ZMYND15: variants seen among roughly 807,000 people sequenced by gnomAD.
The protein encoded by ZMYND15 is zinc finger MYND-type containing 15.
Under a neutral mutation model 81.7 loss-of-function variants are expected in ZMYND15, and 54 were observed. The ratio of observed to expected loss-of-function variants is 0.66; its 90% CI spans 0.53 to 0.83. ZMYND15 has a LOEUF of 0.83. Ranked by LOEUF, ZMYND15 falls within the 40% of genes least tolerant of loss-of-function variation. ZMYND15 has a pLI of 0.00. For synonymous variants in ZMYND15, 399 were observed against 387.0 expected (o/e 1.03, Z -0.36); for missense variants, 925 against 973.5 (o/e 0.95, Z 0.66).
In ZMYND15 at chr17:4,739,995, A is replaced by AC. The variant is rs912550961; in HGVS notation, c.-83dup. The AC allele has an allele frequency of 5.9e-5, 58 of 984,984 alleles. No individual in the cohort carries two copies. The highest frequency in any genetic ancestry group is 6.9e-5 in the Non-Finnish European group (57 of 829,872). The allele number at this position is 984,984 out of a possible 1,614,324, so 61.0% of individuals were successfully genotyped here. ...CGGGCAGCCCTGACGTCACAACCGC[A>AC]CCCGCGCACCCTCCACCGCGAGGTA... On this transcript the variant is annotated 5_prime_UTR_variant, in exon 1 of 14. It introduces an in-frame stop codon into an upstream open reading frame of the 5' UTR. Transcript: ENST00000433935. This position sits in a 1 kb window ranked among gnomAD's most constrained non-coding sequence, Gnocchi z 5.3.
At chr17:4,740,482 C>G in intron 1 of ZMYND15, 37 bp from the exon 2 acceptor site, 1 of 1,502,998 alleles carries the variant, frequency 6.7e-7, no homozygotes, top group Non-Finnish European at 8.9e-7. Context: ...CATCATTGCT[C>G]TCCTGTCCCT....
In ZMYND15 at chr17:4,744,836, T is replaced by A; in HGVS notation, c.1838-34T>A. 1 of 1,614,128 alleles carries A rather than the reference T, an allele frequency of 6.2e-7. No individual in the cohort carries two copies. Among genetic ancestry groups the A allele is most frequent in the Non-Finnish European group, 8.5e-7 (1 of 1,180,000 alleles). Reference sequence around the variant, plus strand: ...GGGAAGGTGGGAGAGAAGCCCACCGTGGGAGCCAGCTTCTCCCTCCTCTCT... The same window carrying A: ...GGGAAGGTGGGAGAGAAGCCCACCGAGGGAGCCAGCTTCTCCCTCCTCTCT... On this transcript the variant is annotated intron_variant, in intron 11 of 13. Transcript: ENST00000433935. This position sits in a 1 kb window ranked among gnomAD's most constrained non-coding sequence, Gnocchi z 4.1.
chr17:4,740,184 C>A, intron 1 of ZMYND15, 134 bp downstream of exon 1: 1 of 681,948 alleles, frequency 1.5e-6, no homozygotes, highest in Non-Finnish European at 1.8e-6. Context: ...CCCTCCCCAC[C>A]AAACCGTTCC....
chr17:4,745,752 C>CCCCTGGGAGCCCCGAT lies in ZMYND15; in HGVS notation c.2058-57_2058-56insCCCGATCCCTGGGAGC. 1.5e-6 allele frequency: 2 copies of CCCCTGGGAGCCCCGAT among 1,371,518 alleles called. No individual in the cohort carries two copies. The highest frequency in any genetic ancestry group is 2.0e-6 in the Non-Finnish European group (2 of 1,011,692). The allele number at this position is 1,371,518 out of a possible 1,614,324, so 85.0% of individuals were successfully genotyped here. A position where few individuals can be genotyped will look rare whatever the true frequency, so the allele number is the denominator to read the frequency against. ...CTGACCGCGCCCCTGGGAGCCCCGA[C>CCCCTGGGAGCCCCGAT]CCCTGGGAGCGCCGACCCCTGGGAG... On this transcript the variant is annotated intron_variant, in intron 13 of 13. Transcript: ENST00000433935. This position sits in a 1 kb window ranked among gnomAD's most constrained non-coding sequence, Gnocchi z 5.2.
rs901532224 is a variant in ZMYND15 at position 4,745,668 on chromosome 17, G to A, written c.2058-151G>A. 5.6e-5 allele frequency: 34 copies of A among 606,386 alleles called. No homozygotes were observed. The highest frequency in any genetic ancestry group is 1.0e-4 in the Admixed American group (3 of 29,102). The allele number at this position is 606,386 out of a possible 1,614,324, so 37.6% of individuals were successfully genotyped here. On this transcript the variant is annotated intron_variant, in intron 13 of 13. Coordinates refer to ENST00000433935, the MANE Select transcript of ZMYND15 (RefSeq NM_001136046.3). This position sits in a 1 kb window ranked among gnomAD's most constrained non-coding sequence, Gnocchi z 5.2. ...GTCTAGCCCCACGCCCTGGAACTCA[G>A]AGGGGCAAGCCCCGCCCCCTGGTCC...
rs769970935 is a variant in ZMYND15, at chr17:4,744,839, G to A, written c.1838-31G>A. The A allele has an allele frequency of 6.2e-7, 1 of 1,614,124 alleles. No homozygotes were observed. On this transcript the variant is annotated intron_variant, in intron 11 of 13. Coordinates refer to ENST00000433935, the MANE Select transcript of ZMYND15 (RefSeq NM_001136046.3). The surrounding 1 kb of genome is among the most constrained non-coding windows in gnomAD (Gnocchi z 4.1). ...AAGGTGGGAGAGAAGCCCACCGTGGGAGCCAGCTTCTCCCTCCTCTCTGTC... is the reference window on the plus strand; with the variant it reads ...AAGGTGGGAGAGAAGCCCACCGTGGAAGCCAGCTTCTCCCTCCTCTCTGTC...
At chr17:4,741,378 G>A (rs570396312) in intron 2 of ZMYND15, among the ~76,000 whole-genome samples, 9 of 152,202 alleles carry the variant, frequency 5.9e-5, no homozygotes, top group East Asian at 3.9e-4. Context: ...TCTGACAGTG[G>A]GCCTACATTT....
Position 4,741,905 on chromosome 17 carries a change from C to A in ZMYND15, c.828-10C>A, listed in dbSNP as rs748628885. Reference sequence around the variant, plus strand: ...CAGCCTGATGCCATCTCCCCCCCAACTGCATTTAGAGAGCTGGAGAGCTTG... The same window carrying A: ...CAGCCTGATGCCATCTCCCCCCCAAATGCATTTAGAGAGCTGGAGAGCTTG... On this transcript the variant is annotated splice_polypyrimidine_tract_variant and intron_variant, in intron 3 of 13. Coordinates refer to ENST00000433935, the MANE Select transcript of ZMYND15 (RefSeq NM_001136046.3). 15 of 1,612,486 alleles carry A rather than the reference C, an allele frequency of 9.3e-6. No individual in the cohort carries two copies. In the South Asian group the frequency reaches 1.6e-4, roughly 18 times the overall value.
In ZMYND15 at chr17:4,741,607, T is replaced by C. The variant is rs751824625; in HGVS notation, c.618T>C (p.Cys206=). 19 of 1,614,088 alleles carry C rather than the reference T, an allele frequency of 1.2e-5. No homozygotes were observed. In the Admixed American group the frequency reaches 3.2e-4, roughly 27 times the overall value. The change falls in exon 3 of 14, where the codon TGT becomes TGC. Residue 206 remains cysteine, a synonymous_variant. Transcript: ENST00000433935. ...AGGCTGCCCCCCTGCACGTTTCCTG[T>C]CTCTTACTTGTGACGGATGAGCATG... ...RSEAAPLHVS[C]LLLVTDEHGT...
chr17:4,741,212 C>T (rs1916396084), intron 2 of ZMYND15, 72 bp downstream of exon 2: 2 of 1,379,790 alleles, frequency 1.4e-6, no homozygotes, highest in Non-Finnish European at 1.9e-6. Flanking sequence ...TCCCCTGCCA[C>T]TAGTTCTGAG....
In ZMYND15 at chr17:4,745,749, C is replaced by CGCCCCCTGG. The variant is rs1567700447; in HGVS notation, c.2058-69_2058-68insCCCCCTGGG. ...TCCCTGACCGCGCCCCTGGGAGCCC[C>CGCCCCCTGG]GACCCCTGGGAGCGCCGACCCCTGG... On this transcript the variant is annotated intron_variant, in intron 13 of 13. Coordinates refer to ENST00000433935, the MANE Select transcript of ZMYND15 (RefSeq NM_001136046.3). This position sits in a 1 kb window ranked among gnomAD's most constrained non-coding sequence, Gnocchi z 5.2. 4.4e-6 allele frequency: 6 copies of CGCCCCCTGG among 1,348,598 alleles called. No individual in the cohort carries two copies. In the African/African-American group the frequency reaches 9.1e-5, roughly 20 times the overall value. The allele number at this position is 1,348,598 out of a possible 1,614,324, so 83.5% of individuals were successfully genotyped here.
Position 4,741,999 on chromosome 17 carries a change from C to T in ZMYND15, c.912C>T (p.Thr304=), listed in dbSNP as rs776329876. The T allele has an allele frequency of 1.2e-6, 2 of 1,614,188 alleles. No homozygotes were observed. The highest frequency in any genetic ancestry group is 1.1e-5 in the South Asian group (1 of 91,080). The change falls in exon 4 of 14, where the codon ACC becomes ACT. Residue 304 remains threonine (T), a synonymous_variant. Transcript: ENST00000433935. ...MRTWGPRPGF[T]FASLRARTCH... is the part of the protein sequence containing the mutation. ...CATGGGGTCCCCGGCCAGGCTTCAC[C>T]TTTGCTTCCCTTCGTGCTCGAACCT... is the stretch of plus-strand genomic sequence containing the variant.
Position 4,740,914 on chromosome 17 carries a change from T to C in ZMYND15, c.366T>C (p.Asp122=). The change falls in exon 2 of 14, where the codon GAT becomes GAC. Residue 122 remains aspartate, a synonymous_variant. Transcript: ENST00000433935. ...AAGGGGAGGAGGAAGAGGAGGAAGA[T>C]GAAGAAGAAGAGAAGAGAGAGGACG... The part of the protein sequence containing the change: ...GEEGEEEEEE[D]EEEEKREDGG... 6.3e-7 allele frequency: 1 copy of C among 1,580,456 alleles called. No individual in the cohort carries two copies. The highest frequency in any genetic ancestry group is 8.6e-7 in the Non-Finnish European group (1 of 1,160,646).
chr17:4,744,035 T>C lies in ZMYND15; in HGVS notation c.1423T>C (p.Ser475Pro), dbSNP rs1916553217. 24 of 1,553,530 alleles carry C rather than the reference T, an allele frequency of 1.5e-5. No homozygotes were observed. Among genetic ancestry groups the C allele is most frequent in the Non-Finnish European group, 1.9e-5 (22 of 1,147,768 alleles). Residue 475 changes from serine (S) to proline (P), a missense_variant, in exon 8 of 14, where the codon TCC (serine) becomes CCC (proline). Ser to Pro is a moderately conservative substitution (Grantham distance 74). Transcript: ENST00000433935. This position sits in a 1 kb window ranked among gnomAD's most constrained non-coding sequence, Gnocchi z 4.1. ...YYTWRGLSLD[S>P]PIAVLLTYPL... ...CACATGGCGGGGCCTCAGCTTGGAC[T>C]CCCCCATAGCCGTGCTTCTCACCTA...
At position 4,745,024 on chromosome 17, in the gene ZMYND15, C is replaced by T; in HGVS notation, c.1896+96C>T. ...GTCTCTGGGCTCTCCTCCTCTTCAC[C>T]ATCACCTGCTCCACAAACCTGGGGA... On this transcript the variant is annotated intron_variant, in intron 12 of 13. Transcript: ENST00000433935. This position sits in a 1 kb window ranked among gnomAD's most constrained non-coding sequence, Gnocchi z 5.2. The T allele has an allele frequency of 1.4e-5, 22 of 1,566,256 alleles. 1 individual carries two copies. In the South Asian group the frequency reaches 1.5e-4, roughly 10 times the overall value.
chr17:4,740,531 C>G lies in ZMYND15; in HGVS notation c.-18C>G. On this transcript the variant is annotated 5_prime_UTR_variant, in exon 2 of 14. Coordinates refer to ENST00000433935, the MANE Select transcript of ZMYND15 (RefSeq NM_001136046.3). The stretch of plus-strand genomic sequence containing the variant: ...TTCTTTTGCTCAGTCTGGGCCGGGG[C>G]CCTGTGCCGCTGAAGACATGGAGTT... The G allele has an allele frequency of 6.4e-7, 1 of 1,572,506 alleles. No homozygotes were observed. Among genetic ancestry groups the G allele is most frequent in the Non-Finnish European group, 8.7e-7 (1 of 1,155,262 alleles).
Position 4,745,007 on chromosome 17 carries a change from G to A in ZMYND15, c.1896+79G>A. ...CATCTCCTTTTCTGAAAGTCTCTGG[G>A]CTCTCCTCCTCTTCACCATCACCTG... On this transcript the variant is annotated intron_variant, in intron 12 of 13. Coordinates refer to ENST00000433935, the MANE Select transcript of ZMYND15 (RefSeq NM_001136046.3). The surrounding 1 kb of genome is among the most constrained non-coding windows in gnomAD (Gnocchi z 5.2). 6.3e-7 allele frequency: 1 copy of A among 1,590,410 alleles called. No homozygotes were observed. Among genetic ancestry groups the A allele is most frequent in the Non-Finnish European group, 8.6e-7 (1 of 1,160,532 alleles).
In ZMYND15 at chr17:4,745,382, G is replaced by A. The variant is rs1479505556; in HGVS notation, c.2057+7G>A. Reference sequence around the variant, plus strand: ...CCGACAACTGCATGTCCTGGTAAGGGTCTGCGACCCTATTTCCTTCCTGAC... The same window carrying A: ...CCGACAACTGCATGTCCTGGTAAGGATCTGCGACCCTATTTCCTTCCTGAC... On this transcript the variant is annotated splice_region_variant and intron_variant, in intron 13 of 13. Transcript: ENST00000433935. This position sits in a 1 kb window ranked among gnomAD's most constrained non-coding sequence, Gnocchi z 5.2. 5 of 1,586,450 alleles carry A rather than the reference G, an allele frequency of 3.2e-6. No homozygotes were observed. The highest frequency in any genetic ancestry group is 3.7e-5 in the Admixed American group (2 of 53,434).
rs140063192 is a variant in ZMYND15, at chr17:4,741,679, C to A, written c.690C>A (p.Thr230=). The A allele has an allele frequency of 2.5e-6, 4 of 1,614,012 alleles. No individual in the cohort carries two copies. In the African/African-American group the frequency reaches 4.0e-5, roughly 16 times the overall value. The change falls in exon 3 of 14, where the codon ACC becomes ACA. Residue 230 remains threonine, a synonymous_variant. Coordinates refer to ENST00000433935, the MANE Select transcript of ZMYND15 (RefSeq NM_001136046.3). The part of the protein sequence containing the change: ...IDLLVDGAQG[T]ASWGSGTKDL... The stretch of plus-strand genomic sequence containing the variant: ...TGCTAGTGGATGGAGCCCAGGGAAC[C>A]GCAAGCTGGGGCTCAGGGACCAAGG...
Sources: allele counts gnomAD v4.1 joint callset (sites outside exome capture counted in the v4.1 genomes callset), GRCh38; gene constraint gnomAD v4.1.1; non-coding constraint Gnocchi (gnomAD v3.1); transcripts MANE v1.5; gene names NCBI Gene and HGNC (gene_info 2026-07-23, HGNC 2026-07-21).